Variants in ENTPD1 observed in about 807,000 individuals in gnomAD.
The protein encoded by ENTPD1 is ectonucleoside triphosphate diphosphohydrolase 1.
In ENTPD1, 33 loss-of-function variants were observed where a neutral mutation model predicts 57.0. That is an observed-to-expected ratio of 0.58 (90% confidence interval 0.44 to 0.77). ENTPD1 has a LOEUF of 0.77. Ranked by LOEUF, ENTPD1 falls within the 30% of genes least tolerant of loss-of-function variation. ENTPD1 has a pLI of 0.00. For synonymous variants in ENTPD1, 202 were observed against 218.8 expected, an observed-to-expected ratio of 0.92 and a Z score of 0.68; for missense variants, 501 against 603.4, an observed-to-expected ratio of 0.83 and a Z score of 1.78.
At position 95,864,725 on chromosome 10, in the gene ENTPD1, T is replaced by G; in HGVS notation, c.1190T>G (p.Ile397Arg). The stretch of plus-strand genomic sequence containing the variant: ...ATCTCCCCCTCACTTCACTTCTAGA[T>G]AAAAACATCTTACGCTGGAGTAAAG... ...KKFCAQPWEE[I>R]KTSYAGVKEK... is the part of the protein sequence containing the mutation. Residue 397 changes from isoleucine to arginine, a missense_variant and splice_region_variant, in exon 9 of 10, where the codon ATA becomes AGA. By Grantham distance (97) the Ile-to-Arg change is moderately conservative (BLOSUM62 -3). Coordinates refer to ENST00000371205, the MANE Select transcript of ENTPD1 (RefSeq NM_001776.6). 1 of 1,614,152 alleles carries G rather than the reference T, an allele frequency of 6.2e-7. No individual in the cohort carries two copies. Among genetic ancestry groups the G allele is most frequent in the South Asian group, 1.1e-5 (1 of 91,088 alleles).
At chr10:95,828,440 A>C (rs10882676) in intron 2 of ENTPD1, among the ~76,000 whole-genome samples, 76,209 of 151,876 alleles carry the variant, frequency 0.5, 19,618 homozygotes, top group Admixed American at 0.6. Context: ...GAAATAAGGT[A>C]GTTCACAATA....
At chr10:95,748,041 T>G (rs901807273) in intron 1 of ENTPD1, among the ~76,000 whole-genome samples, 4 of 151,982 alleles carry the variant, frequency 2.6e-5, no homozygotes, top group African/African-American at 9.7e-5. Flanking sequence ...CCGGCTAATT[T>G]TTTTTGTATT....
intron 1 of ENTPD1, among the ~76,000 whole-genome samples, chr10:95,817,318 G>C (rs1377359025): frequency 1.3e-5 from 2 of 152,156 alleles, no homozygotes; most frequent in African/African-American, 2.4e-5. Flanking sequence ...ATGGAGCCAG[G>C]CTCTGTCCAC....
chr10:95,829,676 G>A (rs2098390140), intron 2 of ENTPD1, among the ~76,000 whole-genome samples: 1 of 152,206 alleles, frequency 6.6e-6, no homozygotes, highest in Non-Finnish European at 1.5e-5. Flanking sequence ...CCCAGAGAAA[G>A]AAGCTGCTAA....
chr10:95,829,894 T>A (rs1590054346), intron 2 of ENTPD1, among the ~76,000 whole-genome samples: 1 of 152,120 alleles, frequency 6.6e-6, no homozygotes, highest in East Asian at 1.9e-4. Context: ...GATAAATGGA[T>A]TGAGTTATCA....
At position 95,720,423 on chromosome 10, in the gene ENTPD1, A is replaced by T. The variant is rs186742000; in HGVS notation, c.37+8430A>T. Among the ~76,000 whole-genome samples the T allele has an allele frequency of 1.5e-4, 23 of 152,296 alleles. No homozygotes were observed. The East Asian group carries it at 4.1e-3, about 27-fold the overall frequency. On this transcript the variant is annotated intron_variant, in intron 1 of 9. Coordinates refer to the ENTPD1 transcript ENST00000453258. Reference sequence around the variant, plus strand: ...AATTAGAAAAGCATGTGAAAGAGTAATGTTCCCCAGTCACAACTTAGTGGT... The same window carrying T: ...AATTAGAAAAGCATGTGAAAGAGTATTGTTCCCCAGTCACAACTTAGTGGT...
chr10:95,815,238 G>A (rs1318801269), intron 1 of ENTPD1, among the ~76,000 whole-genome samples: 3 of 152,166 alleles, frequency 2.0e-5, no homozygotes, highest in Admixed American at 6.5e-5. Flanking sequence ...AAATTTCTAC[G>A]CATCTCTAAT....
At chr10:95,841,652 T>C (rs939620057) in intron 3 of ENTPD1, among the ~76,000 whole-genome samples, 3 of 152,238 alleles carry the variant, frequency 2.0e-5, no homozygotes, top group Non-Finnish European at 2.9e-5. Context: ...GAAGCACTGA[T>C]AGTGTAGATA....
chr10:95,733,126 T>G (rs1443774671), intron 1 of ENTPD1, among the ~76,000 whole-genome samples: 1 of 152,152 alleles, frequency 6.6e-6, no homozygotes, highest in African/African-American at 2.4e-5. Flanking sequence ...AAGACAGACA[T>G]TCCCAGAGCG....
chr10:95,696,808 G>T, the ENTPD1 span, among the ~76,000 whole-genome samples: 3 of 152,200 alleles, frequency 2.0e-5, no homozygotes, highest in African/African-American at 7.2e-5. Flanking sequence ...ACTAGCAGTT[G>T]TCTGTGTTTG....
chr10:95,802,649 G>A (rs1289644977), intron 1 of ENTPD1, among the ~76,000 whole-genome samples: 3 of 151,920 alleles, frequency 2.0e-5, no homozygotes, highest in Non-Finnish European at 2.9e-5. Flanking sequence ...GATGTTCCCC[G>A]CCCTGTGTCC....
intron 1 of ENTPD1, among the ~76,000 whole-genome samples, chr10:95,763,900 A>G (rs2140024724): frequency 6.6e-6 from 1 of 152,338 alleles, no homozygotes; most frequent in Admixed American, 6.5e-5. Context: ...GGAGGTTGGT[A>G]TTATTTACTG....
chr10:95,803,877 G>A (rs1430917806), intron 1 of ENTPD1, among the ~76,000 whole-genome samples: 1 of 152,118 alleles, frequency 6.6e-6, no homozygotes, highest in Non-Finnish European at 1.5e-5. Context: ...ATTAATTTTT[G>A]TATAAGGTGT....
intron 1 of ENTPD1, among the ~76,000 whole-genome samples, chr10:95,713,235 A>G (rs2097967881): frequency 6.6e-6 from 1 of 152,186 alleles, no homozygotes; most frequent in Admixed American, 6.5e-5. Context: ...TTGTTGAGTC[A>G]CTACTGGAAT....
At chr10:95,722,730 C>G (rs368914955) in intron 1 of ENTPD1, among the ~76,000 whole-genome samples, 1 of 152,158 alleles carries the variant, frequency 6.6e-6, no homozygotes, top group Non-Finnish European at 1.5e-5. Flanking sequence ...AAACCTCTAT[C>G]GTCCTGTCCT....
At chr10:95,787,554 T>A (rs1181054903) in intron 1 of ENTPD1, among the ~76,000 whole-genome samples, 1 of 152,022 alleles carries the variant, frequency 6.6e-6, no homozygotes, top group Non-Finnish European at 1.5e-5. Context: ...GAGAAAGACA[T>A]TGTTGTATGA....
At chr10:95,789,164 A>G (rs946600108) in intron 1 of ENTPD1, among the ~76,000 whole-genome samples, 14 of 152,194 alleles carry the variant, frequency 9.2e-5, no homozygotes, top group African/African-American at 3.4e-4. Flanking sequence ...AACATACACA[A>G]TTAAGAAGTA....
intron 5 of ENTPD1, 33 bp from the exon 6 acceptor site, chr10:95,845,324 A>G (rs756419416): frequency 6.2e-7 from 1 of 1,613,934 alleles, no homozygotes; most frequent in East Asian, 2.2e-5. Context: ...GTGTCCAGAG[A>G]CTTCTAGCAC....
the ENTPD1 span, among the ~76,000 whole-genome samples, chr10:95,702,104 T>C: frequency 1.3e-5 from 2 of 151,894 alleles, no homozygotes; most frequent in African/African-American, 4.8e-5. Context: ...AGTAGAGTAA[T>C]TGATAAAACC....
Sources: gnomAD v4.1 joint callset for allele counts (sites outside exome capture counted in the v4.1 genomes callset) on GRCh38, gnomAD v4.1.1 for gene constraint, MANE v1.5 for transcripts, NCBI Gene and HGNC (gene_info 2026-07-23, HGNC 2026-07-21) for gene names.